Variants in ARMH4 observed in about 807,000 individuals in gnomAD.
The protein encoded by ARMH4 is armadillo-like helical domain-containing protein 4.
A neutral mutation model predicts 61.9 loss-of-function variants in ARMH4; 49 were observed. The observed-to-expected ratio is 0.79, with a 90% CI of 0.63 to 1.00. The LOEUF (loss-of-function observed/expected upper bound fraction) is 1.00, where lower values mean the gene tolerates loss of function less well. Among genes scored for constraint, ARMH4 ranks in the 50% least tolerant of loss-of-function variants. The pLI is 0.00. For missense variants in ARMH4, 934 were observed against 930.0 expected (o/e 1.00, Z -0.06); for synonymous variants, 368 against 341.5 (o/e 1.08, Z -0.85).
chr14:58,110,573 T>C (rs541766703), intron 4 of ARMH4, among the ~76,000 whole-genome samples: 1 of 152,342 alleles, frequency 6.6e-6, no homozygotes, highest in Non-Finnish European at 1.5e-5. Flanking sequence ...TTATAATTTC[T>C]TCTTTGATCC....
rs1191196132 is a variant in ARMH4, at chr14:58,000,825, C to T, written c.*3911G>A. On this transcript the variant is annotated 3_prime_UTR_variant, in exon 8 of 8. Coordinates refer to ENST00000267485, the MANE Select transcript of ARMH4 (RefSeq NM_001001872.4). ...AGCCAGGATGGTTTCTATCTCCTGA[C>T]CTCATGATCTGCCCACCTTGGCCTC... The T allele has an allele frequency of 6.6e-6, 1 of 152,184 alleles. No individual in the cohort carries two copies. The highest frequency in any genetic ancestry group is 1.5e-5 in the Non-Finnish European group (1 of 68,084). The allele number at this position is 152,184 out of a possible 1,614,324, so 9.4% of individuals were successfully genotyped here.
At chr14:58,065,938 G>GATACTGAATTCTGCCAAC (rs1884687210) in intron 5 of ARMH4, among the ~76,000 whole-genome samples, 1 of 152,206 alleles carries the variant, frequency 6.6e-6, no homozygotes, top group Admixed American at 6.5e-5. Context: ...CAGCTGTCAA[G>GATACTGAATTCTGCCAAC]ATACTGAATT....
chr14:58,051,156 C>A (rs1305078165), intron 5 of ARMH4, among the ~76,000 whole-genome samples: 1 of 150,954 alleles, frequency 6.6e-6, no homozygotes, highest in African/African-American at 2.4e-5. Context: ...ATGTTCTTGC[C>A]AATGATCATC....
chr14:58,098,447 C>T (rs1413775931), intron 4 of ARMH4, among the ~76,000 whole-genome samples: 1 of 152,110 alleles, frequency 6.6e-6, no homozygotes, highest in African/African-American at 2.4e-5. Flanking sequence ...ACAGATACAC[C>T]AATAGGCAGG....
At chr14:58,044,991 G>T (rs146933974) in intron 5 of ARMH4, among the ~76,000 whole-genome samples, 36,236 of 152,090 alleles carry the variant, frequency 0.24, 4,756 homozygotes, top group Non-Finnish European at 0.3. Context: ...TGGAGAAATA[G>T]GAACACTTTT....
intron 5 of ARMH4, among the ~76,000 whole-genome samples, chr14:58,075,068 T>C (rs1407861910): frequency 1.3e-5 from 2 of 152,324 alleles, no homozygotes; most frequent in African/African-American, 4.8e-5. Flanking sequence ...TCATGCCAGT[T>C]AGAATGGCGA....
intron 5 of ARMH4, among the ~76,000 whole-genome samples, chr14:58,059,112 C>G (rs902167914): frequency 2.0e-5 from 3 of 152,156 alleles, no homozygotes; most frequent in African/African-American, 7.2e-5. Context: ...GTAGAAAGAG[C>G]AGACAGTTTA....
At chr14:58,125,822 G>C (rs751338559) in intron 4 of ARMH4, among the ~76,000 whole-genome samples, 1 of 152,212 alleles carries the variant, frequency 6.6e-6, no homozygotes, top group Non-Finnish European at 1.5e-5. Flanking sequence ...CGGGGACTGA[G>C]AGACAGGACT....
chr14:58,129,280 G>C (rs915386855), intron 4 of ARMH4, among the ~76,000 whole-genome samples: 2 of 152,210 alleles, frequency 1.3e-5, no homozygotes, highest in African/African-American at 4.8e-5. Flanking sequence ...GATAAACAGA[G>C]CTGCGGATTC....
intron 5 of ARMH4, among the ~76,000 whole-genome samples, chr14:58,039,787 T>G (rs1352467764): frequency 6.6e-6 from 1 of 152,232 alleles, no homozygotes; most frequent in Non-Finnish European, 1.5e-5. Flanking sequence ...GTAAATGCAT[T>G]AGAACTCCTC....
chr14:58,047,491 T>C (rs1883981765), intron 5 of ARMH4, among the ~76,000 whole-genome samples: 1 of 152,154 alleles, frequency 6.6e-6, no homozygotes, highest in South Asian at 2.1e-4. Context: ...ATTTCAACCC[T>C]GTAAGGTAGG....
intron 5 of ARMH4, among the ~76,000 whole-genome samples, chr14:58,047,333 T>G (rs1362413593): frequency 6.6e-6 from 1 of 152,218 alleles, no homozygotes; most frequent in Non-Finnish European, 1.5e-5. Context: ...CTGATAAGCA[T>G]TGATCTAATC....
intron 1 of ARMH4, among the ~76,000 whole-genome samples, chr14:58,140,721 T>C (rs909441360): frequency 5.3e-5 from 8 of 151,798 alleles, no homozygotes; most frequent in African/African-American, 1.5e-4. Context: ...GCCAACATGG[T>C]GAAACCCCGT....
At position 58,004,546 on chromosome 14, in the gene ARMH4, T is replaced by A; in HGVS notation, c.*190A>T. On this transcript the variant is annotated 3_prime_UTR_variant, in exon 8 of 8. Transcript: ENST00000267485. ...CTACAGAATAAAACCAAATACTGCA[T>A]GATACGTTTAGTATACAACATGCCA... The A allele has an allele frequency of 2.0e-6, 1 of 489,504 alleles. No individual in the cohort carries two copies. Among genetic ancestry groups the A allele is most frequent in the Non-Finnish European group, 3.7e-6 (1 of 270,468 alleles). 30.3% of individuals were successfully genotyped at this position (489,504 alleles called of 1,614,324 possible).
intron 5 of ARMH4, among the ~76,000 whole-genome samples, chr14:58,046,546 A>G (rs1883952391): frequency 2.0e-5 from 3 of 152,220 alleles, no homozygotes; most frequent in Non-Finnish European, 4.4e-5. Context: ...CTGAAAGACC[A>G]TCTACTTCAA....
At chr14:58,030,114 G>C (rs1039376256) in intron 5 of ARMH4, among the ~76,000 whole-genome samples, 2 of 152,192 alleles carry the variant, frequency 1.3e-5, no homozygotes, top group Non-Finnish European at 2.9e-5. Flanking sequence ...AAGGGAATGT[G>C]CTAAGGGATA....
At chr14:58,064,102 T>C (rs979668252) in intron 5 of ARMH4, among the ~76,000 whole-genome samples, 25 of 149,946 alleles carry the variant, frequency 1.7e-4, no homozygotes, top group African/African-American at 5.9e-4. Flanking sequence ...ATGTTGGCAT[T>C]AAAATTTTGC....
chr14:58,043,126 C>A (rs1473607255), intron 5 of ARMH4, among the ~76,000 whole-genome samples: 1 of 152,208 alleles, frequency 6.6e-6, no homozygotes, highest in Admixed American at 6.5e-5. Flanking sequence ...CATACTGATA[C>A]CAAAGCCTGG....
chr14:58,104,144 T>C (rs537502789), intron 4 of ARMH4, among the ~76,000 whole-genome samples: 43 of 152,328 alleles, frequency 2.8e-4, no homozygotes, highest in South Asian at 8.3e-4. Context: ...TGGTAGAGAT[T>C]TCCTTCTCCT....
Sources: gnomAD v4.1 joint callset for allele counts (sites outside exome capture counted in the v4.1 genomes callset) on GRCh38, gnomAD v4.1.1 for gene constraint, MANE v1.5 for transcripts, NCBI Gene and HGNC (gene_info 2026-07-23, HGNC 2026-07-21) for gene names.